The following ELMO1 variants were observed in gnomAD, a reference collection of about 807,000 sequenced individuals.
ELMO1 encodes the protein engulfment and cell motility 1.
A neutral mutation model predicts 98.9 loss-of-function variants in ELMO1; 26 were observed. The ratio of observed to expected loss-of-function variants is 0.26; its 90% CI spans 0.19 to 0.36. The LOEUF is 0.36. ELMO1 is among the 10% of genes least tolerant of loss of function. The pLI is 1.00. For missense variants in ELMO1, 627 were observed against 935.2 expected (o/e 0.67, Z 4.30); for synonymous variants, 346 against 346.0 (o/e 1.00, Z 0.00).
intron 16 of ELMO1, among the ~76,000 whole-genome samples, chr7:36,907,781 C>T (rs1014878474): frequency 1.3e-5 from 2 of 152,220 alleles, no homozygotes; most frequent in Non-Finnish European, 2.9e-5. Flanking sequence ...CTCTCCCATG[C>T]CAATGGCAGA....
At chr7:37,195,145 A>G (rs1791887010) in intron 13 of ELMO1, among the ~76,000 whole-genome samples, 1 of 152,104 alleles carries the variant, frequency 6.6e-6, no homozygotes, top group Non-Finnish European at 1.5e-5. Context: ...AATACAACAC[A>G]CTCAGTTCTG....
intron 4 of ELMO1, among the ~76,000 whole-genome samples, chr7:37,313,426 T>A (rs541293549): frequency 6.6e-6 from 1 of 152,272 alleles, no homozygotes; most frequent in South Asian, 2.1e-4. Flanking sequence ...GGTTTCACCA[T>A]GTTGGCCAGG....
chr7:37,413,290 G>T (rs947778632), intron 1 of ELMO1, among the ~76,000 whole-genome samples: 2 of 151,992 alleles, frequency 1.3e-5, no homozygotes, highest in African/African-American at 4.8e-5. Flanking sequence ...AAGCCCAACA[G>T]CCCTTTTTCC....
At chr7:37,200,244 A>T (rs1438267983) in intron 13 of ELMO1, among the ~76,000 whole-genome samples, 1 of 137,556 alleles carries the variant, frequency 7.3e-6, no homozygotes, top group Non-Finnish European at 1.5e-5. Context: ...AAGCTAATTA[A>T]TTTTTTTTTT....
chr7:37,397,669 T>C (rs1803354572), intron 1 of ELMO1, among the ~76,000 whole-genome samples: 1 of 152,214 alleles, frequency 6.6e-6, no homozygotes, highest in South Asian at 2.1e-4. Context: ...CAAAGGAATA[T>C]AAATCATTCT....
chr7:37,311,986 T>C (rs927913351), intron 4 of ELMO1, among the ~76,000 whole-genome samples: 1 of 152,264 alleles, frequency 6.6e-6, no homozygotes, highest in South Asian at 2.1e-4. Context: ...TGAGTATATA[T>C]GAATTTTAAT....
intron 15 of ELMO1, among the ~76,000 whole-genome samples, chr7:37,061,727 A>T (rs188626286): frequency 3.3e-5 from 5 of 152,330 alleles, no homozygotes; most frequent in African/African-American, 1.2e-4. Context: ...TTAAAAATAA[A>T]AAAGAACAAT....
At chr7:36,881,837 T>C (rs955493090) in intron 18 of ELMO1, among the ~76,000 whole-genome samples, 2 of 152,180 alleles carry the variant, frequency 1.3e-5, no homozygotes, top group Admixed American at 6.5e-5. Flanking sequence ...TGATGGAAAT[T>C]CTCTGTATCT....
intron 16 of ELMO1, among the ~76,000 whole-genome samples, chr7:36,961,811 T>G (rs1788976862): frequency 6.6e-6 from 1 of 152,208 alleles, no homozygotes; most frequent in African/African-American, 2.4e-5. Context: ...CTTGCCCCTC[T>G]GTCCCACAGA....
chr7:36,867,467 G>C (rs1803121836), intron 20 of ELMO1, among the ~76,000 whole-genome samples: 2 of 151,944 alleles, frequency 1.3e-5, no homozygotes, highest in Non-Finnish European at 2.9e-5. Context: ...CAAAGTACCA[G>C]CTTTTGGTTT....
intron 16 of ELMO1, among the ~76,000 whole-genome samples, chr7:36,907,175 T>G (rs1411808939): frequency 6.6e-6 from 1 of 152,118 alleles, no homozygotes; most frequent in African/African-American, 2.4e-5. Context: ...CTGGCAAGTC[T>G]TCATGAAGGC....
chr7:37,042,145 C>T (rs1795549610), intron 15 of ELMO1, among the ~76,000 whole-genome samples: 1 of 148,232 alleles, frequency 6.7e-6, no homozygotes, highest in African/African-American at 2.5e-5. Flanking sequence ...ATACAAAAAC[C>T]ATCCCACCAC....
At chr7:37,023,188 CA>C (rs1198543059) in intron 15 of ELMO1, among the ~76,000 whole-genome samples, 2 of 152,188 alleles carry the variant, frequency 1.3e-5, no homozygotes, top group Non-Finnish European at 2.9e-5. Context: ...ATAGCAGTTA[CA>C]TGGGCAGTTG....
At chr7:37,222,743 G>T (rs2130538621) in intron 9 of ELMO1, 50 bp from the exon 10 acceptor site, 1 of 1,566,130 alleles carries the variant, frequency 6.4e-7, no homozygotes, top group Non-Finnish European at 8.8e-7. Context: ...AGTCAGAAGA[G>T]GCTAGCCCTG....
chr7:37,141,829 T>C (rs1018442504), intron 13 of ELMO1, among the ~76,000 whole-genome samples: 1 of 152,152 alleles, frequency 6.6e-6, no homozygotes, highest in African/African-American at 2.4e-5. Flanking sequence ...CCCACACTTT[T>C]CTACATTATT....
At chr7:37,171,481 C>CTTTTTTTTTTTTTTTTTTTTTTTTTTTTT (rs71553100) in intron 13 of ELMO1, among the ~76,000 whole-genome samples, 1 of 44,268 alleles carries the variant, frequency 2.3e-5, no homozygotes, top group Admixed American at 3.2e-4. Flanking sequence ...CCAGGCCTTT[C>CTTTTTTTTTTTTTTTTTTTTTTTTTTTTT]TATTTTTTTT....
chr7:37,315,962 T>C lies in ELMO1; in HGVS notation c.79-2A>G. 1 of 1,566,876 alleles carries C rather than the reference T, an allele frequency of 6.4e-7. No individual in the cohort carries two copies. Among genetic ancestry groups the C allele is most frequent in the African/African-American group, 1.6e-5 (1 of 63,892 alleles). ...TATTATTGCAGACAGTGGTTTTTTC[T>C]GCAAAATAACAAAAAAGGAAATACT... On this transcript the variant is annotated splice_acceptor_variant, in intron 2 of 21. Coordinates refer to ENST00000310758, the MANE Select transcript of ELMO1 (RefSeq NM_014800.11). LOFTEE classifies it high-confidence loss of function.
intron 16 of ELMO1, among the ~76,000 whole-genome samples, chr7:36,897,685 T>C (rs1170381725): frequency 6.6e-6 from 1 of 152,162 alleles, no homozygotes; most frequent in East Asian, 1.9e-4. Context: ...GATGATCCCT[T>C]ATGGAATGTG....
In ELMO1 at chr7:37,448,748, G is replaced by A. The variant is rs1409344741; in HGVS notation, c.-147C>T. 9.2e-5 allele frequency: 14 copies of A among 152,678 alleles called. No homozygotes were observed. Among genetic ancestry groups the A allele is most frequent in the Admixed American group, 7.2e-4 (11 of 15,286 alleles). The allele number at this position is 152,678 out of a possible 1,614,324, so 9.5% of individuals were successfully genotyped here. A position where few individuals can be genotyped will look rare whatever the true frequency, so the allele number is the denominator to read the frequency against. The stretch of plus-strand genomic sequence containing the variant: ...GCTCCGGCGACCCGCCACCATTGAA[G>A]GGGAACTGGAGGCTCTGTCGCCCAG... On this transcript the variant is annotated 5_prime_UTR_variant, in exon 1 of 22. Transcript: ENST00000310758.
Sources: allele counts gnomAD v4.1 joint callset (sites outside exome capture counted in the v4.1 genomes callset), GRCh38; gene constraint gnomAD v4.1.1; transcripts MANE v1.5; gene names NCBI Gene and HGNC (gene_info 2026-07-23, HGNC 2026-07-21).